The following UBASH3B variants were observed in gnomAD, a reference collection of about 807,000 sequenced individuals.
UBASH3B encodes the protein ubiquitin associated and SH3 domain containing B.
Under a neutral mutation model 83.4 loss-of-function variants are expected in UBASH3B, and 37 were observed. The observed-to-expected ratio is 0.44, with a 90% CI of 0.34 to 0.58. The LOEUF (loss-of-function observed/expected upper bound fraction) is 0.58. Among genes scored for constraint, UBASH3B ranks in the 20% least tolerant of loss-of-function variants. UBASH3B has a pLI of 0.01. For synonymous variants in UBASH3B, 304 were observed against 318.3 expected, an observed-to-expected ratio of 0.96 and a Z score of 0.48; for missense variants, 657 against 827.2, an observed-to-expected ratio of 0.79 and a Z score of 2.52.
intron 1 of UBASH3B, among the ~76,000 whole-genome samples, chr11:122,671,586 C>T (rs868245198): frequency 2.6e-5 from 4 of 152,240 alleles, no homozygotes; most frequent in African/African-American, 9.6e-5. Context: ...GCTGTCTGGC[C>T]GCCTCAGACA....
At chr11:122,766,651 G>A (rs973188070) in intron 1 of UBASH3B, among the ~76,000 whole-genome samples, 9 of 152,358 alleles carry the variant, frequency 5.9e-5, no homozygotes, top group Admixed American at 5.2e-4. Context: ...GCTGAGGCAG[G>A]AGAATGGTGT....
intron 1 of UBASH3B, among the ~76,000 whole-genome samples, chr11:122,699,514 T>C (rs1864006676): frequency 7.2e-6 from 1 of 139,688 alleles, no homozygotes; most frequent in South Asian, 2.3e-4. Flanking sequence ...TCTTTCTTTC[T>C]TTCTCTTTCT....
intron 1 of UBASH3B, among the ~76,000 whole-genome samples, chr11:122,657,336 G>A (rs1215562841): frequency 6.6e-6 from 1 of 151,564 alleles, no homozygotes; most frequent in African/African-American, 2.4e-5. Context: ...TCGCTGTGTC[G>A]CCAGGCTAGA....
At chr11:122,686,665 GGGA>G (rs1389064181) in intron 1 of UBASH3B, among the ~76,000 whole-genome samples, 5 of 152,066 alleles carry the variant, frequency 3.3e-5, no homozygotes, top group Admixed American at 1.3e-4. Flanking sequence ...GCAGGCGTTT[GGGA>G]GGAGAATGAA....
At chr11:122,727,299 C>G (rs1194241175) in intron 1 of UBASH3B, among the ~76,000 whole-genome samples, 1 of 152,180 alleles carries the variant, frequency 6.6e-6, no homozygotes, top group East Asian at 1.9e-4. Flanking sequence ...AGCGCAGCAG[C>G]GAGCCAGTGT....
At chr11:122,700,572 C>A (rs1219933934) in intron 1 of UBASH3B, among the ~76,000 whole-genome samples, 2 of 145,192 alleles carry the variant, frequency 1.4e-5, no homozygotes, top group East Asian at 2.1e-4. Context: ...TATCGGCTCA[C>A]TGCAACCTCC....
intron 1 of UBASH3B, among the ~76,000 whole-genome samples, chr11:122,694,149 G>A (rs1417244671): frequency 1.3e-5 from 2 of 152,084 alleles, no homozygotes; most frequent in Non-Finnish European, 2.9e-5. Context: ...AATTACAAAG[G>A]GTGAGGGGCT....
intron 1 of UBASH3B, among the ~76,000 whole-genome samples, chr11:122,688,709 A>G (rs1863843886): frequency 6.7e-6 from 1 of 149,826 alleles, no homozygotes; most frequent in African/African-American, 2.5e-5. Flanking sequence ...CAGTAGTGCA[A>G]TCTCGGCTCA....
At chr11:122,792,570 C>G (rs1015070733) in intron 6 of UBASH3B, among the ~76,000 whole-genome samples, 2 of 152,128 alleles carry the variant, frequency 1.3e-5, no homozygotes, top group Non-Finnish European at 2.9e-5. Flanking sequence ...CTGCCTGCCT[C>G]GGCCTCTCAA....
At chr11:122,659,196 A>T (rs1223838476) in intron 1 of UBASH3B, among the ~76,000 whole-genome samples, 1 of 147,672 alleles carries the variant, frequency 6.8e-6, no homozygotes, top group African/African-American at 2.5e-5. Flanking sequence ...AAAGTCCTTT[A>T]AAAAAAAATG....
chr11:122,752,525 A>G (rs1175314471), intron 1 of UBASH3B, among the ~76,000 whole-genome samples: 1 of 152,242 alleles, frequency 6.6e-6, no homozygotes, highest in Non-Finnish European at 1.5e-5. Flanking sequence ...AAGCTCCTGC[A>G]AAATGAAGTA....
In UBASH3B at chr11:122,758,151, C is replaced by T. The variant is rs117091777; in HGVS notation, c.162-18068C>T. On this transcript the variant is annotated intron_variant, in intron 1 of 13. Coordinates refer to ENST00000284273, the MANE Select transcript of UBASH3B (RefSeq NM_032873.5). The surrounding 1 kb of genome is among the most constrained non-coding windows in gnomAD (Gnocchi z 4.2). ...TGGGAACTGAGGCCCAGAAGGAAGG[C>T]GAAGATGTGGCCGGGGGTGGGGCCG... 5.4e-3 allele frequency among the ~76,000 whole-genome samples: 814 copies of T among 152,062 alleles called. 22 individuals are homozygous for T. The East Asian group carries it at 0.067, about 13-fold the overall frequency.
At chr11:122,697,026 C>T (rs527900867) in intron 1 of UBASH3B, among the ~76,000 whole-genome samples, 12 of 152,168 alleles carry the variant, frequency 7.9e-5, no homozygotes, top group Middle Eastern at 3.4e-3. Flanking sequence ...TTGTTCATAG[C>T]AAAGAAAAGT....
intron 1 of UBASH3B, among the ~76,000 whole-genome samples, chr11:122,709,984 C>T (rs148653664): frequency 6.6e-5 from 10 of 151,582 alleles, no homozygotes; most frequent in South Asian, 2.1e-4. Context: ...GGTGAAAGCC[C>T]GTCTCCACTA....
intron 3 of UBASH3B, among the ~76,000 whole-genome samples, chr11:122,779,062 C>T (rs1376710339): frequency 6.6e-6 from 1 of 152,182 alleles, no homozygotes; most frequent in Non-Finnish European, 1.5e-5. Context: ...TTAAACTCTA[C>T]TCTCTTAGTA....
At chr11:122,809,635 A>G (rs1223916724) in intron 13 of UBASH3B, 114 bp from the exon 14 acceptor site, 3 of 1,086,390 alleles carry the variant, frequency 2.8e-6, no homozygotes, top group Non-Finnish European at 4.0e-6. Flanking sequence ...CAAAGCCACT[A>G]TCCATTTCTG....
At chr11:122,795,121 A>G (rs1195167150) in intron 7 of UBASH3B, among the ~76,000 whole-genome samples, 1 of 152,334 alleles carries the variant, frequency 6.6e-6, no homozygotes, top group South Asian at 2.1e-4. Context: ...CCATAGTTGT[A>G]TCTGTTTTGT....
At chr11:122,776,427 C>T (rs1237496093) in intron 2 of UBASH3B, among the ~76,000 whole-genome samples, 155 bp downstream of exon 2, 1 of 152,168 alleles carries the variant, frequency 6.6e-6, no homozygotes, top group Non-Finnish European at 1.5e-5. Flanking sequence ...TCAATTGCCT[C>T]CTCTGCCCTG....
chr11:122,784,677 CAGTT>C (rs892335752), intron 5 of UBASH3B, among the ~76,000 whole-genome samples: 1 of 152,076 alleles, frequency 6.6e-6, no homozygotes, highest in African/African-American at 2.4e-5. Flanking sequence ...ACATGAAAAA[CAGTT>C]AGAACCCCAG....
Sources: allele counts gnomAD v4.1 joint callset (sites outside exome capture counted in the v4.1 genomes callset), GRCh38; gene constraint gnomAD v4.1.1; non-coding constraint Gnocchi (gnomAD v3.1); transcripts MANE v1.5; gene names NCBI Gene and HGNC (gene_info 2026-07-23, HGNC 2026-07-21).